The following SGCD variants were observed in gnomAD, a reference collection of about 807,000 sequenced individuals.
The protein encoded by SGCD is sarcoglycan delta, also known as delta-sarcoglycan.
SGCD carries 18 observed loss-of-function variants against 36.6 expected under a neutral mutation model. That is an observed-to-expected ratio of 0.49 (90% CI 0.34 to 0.73). The LOEUF (loss-of-function observed/expected upper bound fraction) is 0.73. SGCD is among the 30% of genes least tolerant of loss of function. The pLI is 0.01. For missense variants in SGCD, 387 were observed against 346.7 expected (o/e 1.12, Z -0.92); for synonymous variants, 133 against 130.6 (o/e 1.02, Z -0.12).
chr5:156,274,295 G>T (rs1003424990), intron 3 of SGCD, among the ~76,000 whole-genome samples: 10 of 152,116 alleles, frequency 6.6e-5, no homozygotes, highest in African/African-American at 2.4e-4. Flanking sequence ...ACAAGAGGTT[G>T]TCATGGTTTG....
the SGCD span, among the ~76,000 whole-genome samples, chr5:155,767,263 C>T: frequency 9.9e-4 from 150 of 152,274 alleles, 1 homozygote; most frequent in African/African-American, 3.3e-3. Context: ...CTGAGGAGGA[C>T]CCTCCATGGG....
chr5:155,869,374 TA>T (rs1298349309), upstream of SGCD, among the ~76,000 whole-genome samples: 3 of 152,226 alleles, frequency 2.0e-5, no homozygotes, highest in African/African-American at 7.2e-5. Flanking sequence ...CTTTTTATGC[TA>T]ACTCTACTCT....
At chr5:156,432,513 A>G (rs935610834) in intron 3 of SGCD, among the ~76,000 whole-genome samples, 1 of 152,180 alleles carries the variant, frequency 6.6e-6, no homozygotes, top group African/African-American at 2.4e-5. Context: ...GGGCGGGGCC[A>G]TAAAGCTCCC....
intron 8 of SGCD, among the ~76,000 whole-genome samples, chr5:156,758,809 A>G (rs949046322): frequency 1.3e-5 from 2 of 151,942 alleles, no homozygotes; most frequent in African/African-American, 4.8e-5. Context: ...AGAAAGGCTC[A>G]CTAGCATTTA....
At chr5:155,765,330 G>A in the SGCD span, among the ~76,000 whole-genome samples, 1 of 147,882 alleles carries the variant, frequency 6.8e-6, no homozygotes, top group Admixed American at 6.8e-5. Context: ...AAGAAGGAAG[G>A]AAGGGAAGGA....
chr5:156,241,983 G>C (rs536536443), intron 3 of SGCD, among the ~76,000 whole-genome samples: 1 of 152,250 alleles, frequency 6.6e-6, no homozygotes, highest in Non-Finnish European at 1.5e-5. Flanking sequence ...GGTTGAGAAA[G>C]GTTTCTCTGT....
chr5:156,174,795 G>T (rs1763426477), intron 3 of SGCD, among the ~76,000 whole-genome samples: 1 of 152,116 alleles, frequency 6.6e-6, no homozygotes, highest in Non-Finnish European at 1.5e-5. Flanking sequence ...AGACTTCATG[G>T]TTTCTTATCT....
intron 1 of SGCD, among the ~76,000 whole-genome samples, chr5:155,951,797 A>G (rs1757553544): frequency 6.6e-6 from 1 of 152,172 alleles, no homozygotes; most frequent in African/African-American, 2.4e-5. Context: ...CTGCCTGGAT[A>G]TAGCATGGAT....
At chr5:156,472,286 G>A (rs991061907) in intron 3 of SGCD, among the ~76,000 whole-genome samples, 1 of 152,094 alleles carries the variant, frequency 6.6e-6, no homozygotes. Context: ...TTTCAAAAGA[G>A]CATTTACAGC....
intron 1 of SGCD, among the ~76,000 whole-genome samples, chr5:156,050,484 C>A (rs1327918285): frequency 6.8e-6 from 1 of 146,644 alleles, no homozygotes; most frequent in Non-Finnish European, 1.5e-5. Context: ...TCTTATGACT[C>A]ACCTTATTGT....
At chr5:156,515,164 T>C (rs1486935991) in intron 4 of SGCD, among the ~76,000 whole-genome samples, 2 of 152,166 alleles carry the variant, frequency 1.3e-5, no homozygotes, top group Non-Finnish European at 2.9e-5. Flanking sequence ...AATTTGACTT[T>C]TCTCTCATTC....
intron 3 of SGCD, among the ~76,000 whole-genome samples, chr5:156,421,679 G>T (rs567728352): frequency 1.3e-5 from 2 of 152,046 alleles, no homozygotes; most frequent in Non-Finnish European, 2.9e-5. Context: ...TGCTAAAAGA[G>T]CCCTTAAGTA....
intron 6 of SGCD, among the ~76,000 whole-genome samples, chr5:156,644,899 T>C (rs1416077614): frequency 6.6e-6 from 1 of 151,226 alleles, no homozygotes; most frequent in African/African-American, 2.4e-5. Flanking sequence ...GGTTTTTTAT[T>C]ACTTATGGCA....
At chr5:156,500,223 A>G (rs1258470482) in intron 3 of SGCD, among the ~76,000 whole-genome samples, 2 of 152,206 alleles carry the variant, frequency 1.3e-5, no homozygotes, top group Non-Finnish European at 2.9e-5. Context: ...CATTCCCCAC[A>G]CTACCTTTCA....
At chr5:156,228,044 C>A in intron 3 of SGCD, among the ~76,000 whole-genome samples, 1 of 152,146 alleles carries the variant, frequency 6.6e-6, no homozygotes, top group Middle Eastern at 3.4e-3. Flanking sequence ...TTTATTGAGG[C>A]TCATTTTGTG....
the SGCD span, among the ~76,000 whole-genome samples, chr5:155,797,040 TA>T: frequency 6.6e-6 from 1 of 152,024 alleles, no homozygotes; most frequent in Non-Finnish European, 1.5e-5. Flanking sequence ...AAAACACCAA[TA>T]CTACGAATAA....
intron 1 of SGCD, among the ~76,000 whole-genome samples, chr5:156,105,004 G>A (rs1306366599): frequency 6.6e-6 from 1 of 152,140 alleles, no homozygotes; most frequent in Non-Finnish European, 1.5e-5. Context: ...TTGTGGGGTT[G>A]GGGGAGGGAG....
chr5:155,728,268 G>A, the SGCD span, among the ~76,000 whole-genome samples: 30 of 152,000 alleles, frequency 2.0e-4, no homozygotes, highest in Non-Finnish European at 4.0e-4. Flanking sequence ...CGCGGGAGGT[G>A]GCGGCCGCTG....
chr5:156,544,667 A>T (rs1026585091), intron 4 of SGCD, among the ~76,000 whole-genome samples: 2 of 152,062 alleles, frequency 1.3e-5, no homozygotes, highest in Admixed American at 1.3e-4. Flanking sequence ...TCCCATAAAT[A>T]TGGGTATCGA....
Sources: allele counts gnomAD v4.1 joint callset (sites outside exome capture counted in the v4.1 genomes callset), GRCh38; gene constraint gnomAD v4.1.1; transcripts MANE v1.5; gene names NCBI Gene and HGNC (gene_info 2026-07-23, HGNC 2026-07-21).